KCMF1: variants seen among roughly 807,000 people sequenced by gnomAD.
KCMF1 encodes the protein E3 ubiquitin-protein ligase KCMF1.
KCMF1 carries 3 observed loss-of-function variants against 41.1 expected under a neutral mutation model. That is an observed-to-expected ratio of 0.07 (90% CI 0.03 to 0.19). The LOEUF (loss-of-function observed/expected upper bound fraction) is 0.19, where lower values mean the gene tolerates loss of function less well. KCMF1 is among the 10% of genes least tolerant of loss of function. The pLI is 1.00. For missense variants in KCMF1, 286 were observed against 488.9 expected, an observed-to-expected ratio of 0.58 and a Z score of 3.91; for synonymous variants, 142 against 164.5, an observed-to-expected ratio of 0.86 and a Z score of 1.04.
intron 1 of KCMF1, among the ~76,000 whole-genome samples, chr2:85,002,919 A>C (rs193214895): frequency 1.3e-5 from 2 of 152,314 alleles, no homozygotes; most frequent in Admixed American, 1.3e-4. Flanking sequence ...TCCCATTTTA[A>C]AACAAGACAC....
At chr2:85,023,357 C>T (rs1427964948) in intron 1 of KCMF1, among the ~76,000 whole-genome samples, 2 of 124,244 alleles carry the variant, frequency 1.6e-5, no homozygotes, top group South Asian at 2.5e-4. Context: ...CGCACTTTCT[C>T]GCCCAGGCTG....
Position 85,043,448 on chromosome 2 carries a change from CTG to C in KCMF1, c.325-112_325-111del. 6 of 691,030 alleles carry C rather than the reference CTG, an allele frequency of 8.7e-6. No individual in the cohort carries two copies. In the Admixed American group the frequency reaches 1.3e-4, roughly 14 times the overall value. The allele number at this position is 691,030 out of a possible 1,614,324, so 42.8% of individuals were successfully genotyped here. ...CTGCTTTTCACTGATTTAGGATCTGCTGTGTTTTCTGTTGGTTAAAACTTGAT... is the reference window on the plus strand; with the variant it reads ...CTGCTTTTCACTGATTTAGGATCTGCTGTTTTCTGTTGGTTAAAACTTGAT... On this transcript the variant is annotated intron_variant, in intron 3 of 6. Transcript: ENST00000409785.
intron 3 of KCMF1, 148 bp from the exon 4 acceptor site, chr2:85,043,416 G>A: frequency 1.6e-6 from 1 of 642,992 alleles, no homozygotes; most frequent in South Asian, 1.8e-5. Context: ...TCTTGCTTAG[G>A]TTTCTACTGC....
At chr2:85,049,254 T>C in intron 5 of KCMF1, 112 bp from the exon 6 acceptor site, 1 of 1,074,026 alleles carries the variant, frequency 9.3e-7, no homozygotes, top group Non-Finnish European at 1.4e-6. Flanking sequence ...GCTGTGGTGG[T>C]TACCTACCTG....
chr2:84,987,124 C>T (rs1234396683), intron 1 of KCMF1, among the ~76,000 whole-genome samples: 1 of 151,998 alleles, frequency 6.6e-6, no homozygotes, highest in African/African-American at 2.4e-5. Context: ...TTTTTTATCA[C>T]GGTAGATAAG....
At chr2:84,978,453 ATATC>A (rs1175912732) in intron 1 of KCMF1, among the ~76,000 whole-genome samples, 4 of 150,724 alleles carry the variant, frequency 2.7e-5, no homozygotes, top group African/African-American at 9.7e-5. Context: ...CAACTTTATG[ATATC>A]TATCATATAT....
chr2:84,973,825 C>CTTTTTT (rs1238178193), intron 1 of KCMF1, among the ~76,000 whole-genome samples: 36 of 110,268 alleles, frequency 3.3e-4, no homozygotes, highest in Non-Finnish European at 5.8e-4. Flanking sequence ...TTATTTCTTT[C>CTTTTTT]TTTTTTTTTT....
intron 1 of KCMF1, among the ~76,000 whole-genome samples, chr2:84,982,909 T>C (rs1201450854): frequency 6.6e-6 from 1 of 152,152 alleles, no homozygotes; most frequent in African/African-American, 2.4e-5. Context: ...GTCACAGAGG[T>C]GGGACTGATT....
At chr2:84,981,229 G>A (rs756556960) in intron 1 of KCMF1, among the ~76,000 whole-genome samples, 1 of 144,628 alleles carries the variant, frequency 6.9e-6, no homozygotes, top group Admixed American at 7.0e-5. Context: ...TCACTCTGTT[G>A]CCCAGGCTGG....
intron 3 of KCMF1, among the ~76,000 whole-genome samples, chr2:85,042,810 T>C (rs1300576465): frequency 6.6e-6 from 1 of 152,148 alleles, no homozygotes; most frequent in East Asian, 1.9e-4. Context: ...ACCAATTCTG[T>C]TAACTATAGA....
At chr2:85,007,842 A>G (rs990098774) in intron 1 of KCMF1, among the ~76,000 whole-genome samples, 5 of 152,156 alleles carry the variant, frequency 3.3e-5, no homozygotes, top group African/African-American at 9.7e-5. Flanking sequence ...TCTCACTGCA[A>G]CCGCCACCTC....
At chr2:85,039,979 A>AT (rs1173929384) in intron 3 of KCMF1, among the ~76,000 whole-genome samples, 1 of 151,496 alleles carries the variant, frequency 6.6e-6, no homozygotes, top group Non-Finnish European at 1.5e-5. Flanking sequence ...CGCCTGGCTA[A>AT]TTTTTTTTGT....
intron 1 of KCMF1, among the ~76,000 whole-genome samples, chr2:85,005,280 TTTTA>T (rs987671551): frequency 3.3e-5 from 5 of 151,510 alleles, no homozygotes; most frequent in Non-Finnish European, 7.4e-5. Flanking sequence ...TATTTTGCTT[TTTTA>T]TTTATTTATT....
intron 1 of KCMF1, among the ~76,000 whole-genome samples, chr2:84,994,928 T>C (rs1396091654): frequency 6.6e-6 from 1 of 152,238 alleles, no homozygotes. Flanking sequence ...ATATTTGGGA[T>C]TGCATTTTAA....
rs760200878 is a variant in KCMF1, at chr2:85,046,262, C to T, written c.585C>T (p.Ala195=). 1 of 1,612,230 alleles carries T rather than the reference C, an allele frequency of 6.2e-7. No individual in the cohort carries two copies. ...QSSYSPSNRE[A]MDPIAELLSQ... The stretch of plus-strand genomic sequence containing the variant: ...CATATTCTCCAAGCAATAGGGAAGC[C>T]ATGGATCCTATAGCTGGTAAGTTAG... Residue 195 remains alanine, a synonymous_variant, in exon 5 of 7, where the codon GCC becomes GCT. Coordinates refer to ENST00000409785, the MANE Select transcript of KCMF1 (RefSeq NM_020122.5).
At position 85,008,052 on chromosome 2, in the gene KCMF1, C is replaced by T. The variant is rs1170591305; in HGVS notation, c.17-19837C>T. 4.6e-5 allele frequency among the ~76,000 whole-genome samples: 7 copies of T among 151,718 alleles called. No homozygotes were observed. In the East Asian group the frequency reaches 5.8e-4, roughly 13 times the overall value. On this transcript the variant is annotated intron_variant, in intron 1 of 6. Transcript: ENST00000409785. ...TGCTGGGATTACAGGCGTGAGCCAC[C>T]GTGCCCAGCCGCTAGTTGTGTTCTA...
At position 84,989,897 on chromosome 2, in the gene KCMF1, T is replaced by A. The variant is rs531783378; in HGVS notation, c.16+18430T>A. Among the ~76,000 whole-genome samples the A allele has an allele frequency of 2.6e-5, 4 of 152,294 alleles. No individual in the cohort carries two copies. In the South Asian group the frequency reaches 8.3e-4, roughly 32 times the overall value. On this transcript the variant is annotated intron_variant, in intron 1 of 6. Transcript: ENST00000409785. ...CTAGGCTAAGAGGTGTCCATTGTTG[T>A]AGAGTGATTGCTCAGTGATGTTGAA...
At chr2:85,023,969 C>T (rs1460008089) in intron 1 of KCMF1, among the ~76,000 whole-genome samples, 1 of 152,138 alleles carries the variant, frequency 6.6e-6, no homozygotes, top group African/African-American at 2.4e-5. Flanking sequence ...TGAGATTGAG[C>T]ATCTTTTCAT....
Position 85,057,870 on chromosome 2 carries a change from T to G in KCMF1, c.*4461T>G, listed in dbSNP as rs1414951484. Reference sequence around the variant, plus strand: ...TGATCCTGAACCTCCACGTCACATTTTAGTCGGTTGCTATTAGGTGGGTAA... The same window carrying G: ...TGATCCTGAACCTCCACGTCACATTGTAGTCGGTTGCTATTAGGTGGGTAA... On this transcript the variant is annotated 3_prime_UTR_variant, in exon 7 of 7. Transcript: ENST00000409785. 1 of 152,224 alleles carries G rather than the reference T, an allele frequency of 6.6e-6. No individual in the cohort carries two copies. Among genetic ancestry groups the G allele is most frequent in the Non-Finnish European group, 1.5e-5 (1 of 68,032 alleles). 9.4% of individuals were successfully genotyped at this position (152,224 alleles called of 1,614,324 possible).
Sources: allele counts gnomAD v4.1 joint callset (sites outside exome capture counted in the v4.1 genomes callset), GRCh38; gene constraint gnomAD v4.1.1; transcripts MANE v1.5; gene names NCBI Gene and HGNC (gene_info 2026-07-23, HGNC 2026-07-21).